Variants in PITPNC1 observed in about 807,000 individuals in gnomAD.
The protein encoded by PITPNC1 is phosphatidylinositol transfer protein cytoplasmic 1.
A neutral mutation model predicts 44.7 loss-of-function variants in PITPNC1; 18 were observed. That is an observed-to-expected ratio of 0.40 (90% confidence interval 0.28 to 0.60). The LOEUF (loss-of-function observed/expected upper bound fraction) is 0.60, where lower values mean the gene tolerates loss of function less well. PITPNC1 is among the 20% of genes least tolerant of loss of function. PITPNC1 has a pLI of 0.39. For synonymous variants in PITPNC1, 141 were observed against 149.6 expected (o/e 0.94, Z 0.42); for missense variants, 290 against 418.4 (o/e 0.69, Z 2.68).
At chr17:67,532,465 T>C (rs542385391) in intron 1 of PITPNC1, among the ~76,000 whole-genome samples, 1 of 152,258 alleles carries the variant, frequency 6.6e-6, no homozygotes, top group South Asian at 2.1e-4. Context: ...CAAGCAGGAC[T>C]TTAGCTCCAT....
At chr17:67,484,027 T>C (rs1257260600) in intron 1 of PITPNC1, among the ~76,000 whole-genome samples, 1 of 151,566 alleles carries the variant, frequency 6.6e-6, no homozygotes, top group Non-Finnish European at 1.5e-5. Flanking sequence ...CAAGCGATTC[T>C]CCTGCCTCAG....
At chr17:67,387,210 C>A (rs2038067896) in intron 1 of PITPNC1, among the ~76,000 whole-genome samples, 7 of 152,210 alleles carry the variant, frequency 4.6e-5, no homozygotes. Context: ...TGGCCTGCAA[C>A]TGACCAACCT....
chr17:67,490,178 G>A (rs189464361), intron 1 of PITPNC1, among the ~76,000 whole-genome samples: 1 of 147,150 alleles, frequency 6.8e-6, no homozygotes, highest in East Asian at 2.0e-4. Flanking sequence ...TAACGAGGAT[G>A]CATTATGTAA....
At chr17:67,493,193 G>A (rs1163047062) in intron 1 of PITPNC1, among the ~76,000 whole-genome samples, 1 of 152,292 alleles carries the variant, frequency 6.6e-6, no homozygotes, top group East Asian at 1.9e-4. Context: ...AATGTTGAAC[G>A]CAGGGTTTTC....
Position 67,393,472 on chromosome 17 carries a change from A to G in PITPNC1, c.48+15270A>G, listed in dbSNP as rs545154823. 5.3e-5 allele frequency among the ~76,000 whole-genome samples: 8 copies of G among 152,228 alleles called. No individual in the cohort carries two copies. In the East Asian group the frequency reaches 1.2e-3, roughly 22 times the overall value. ...TTCATCGTTTCTTGAAATAAACCCAATAAACTTTAATGGAAGCTCATAAGA... is the reference window on the plus strand; with the variant it reads ...TTCATCGTTTCTTGAAATAAACCCAGTAAACTTTAATGGAAGCTCATAAGA... On this transcript the variant is annotated intron_variant, in intron 1 of 8. Transcript: ENST00000581322.
At chr17:67,663,606 CA>C (rs1271621798) in intron 6 of PITPNC1, among the ~76,000 whole-genome samples, 1 of 151,978 alleles carries the variant, frequency 6.6e-6, no homozygotes, top group Non-Finnish European at 1.5e-5. Flanking sequence ...GAAGCAGTAG[CA>C]GCAGAGGTGC....
At chr17:67,491,865 A>G (rs1055197363) in intron 1 of PITPNC1, among the ~76,000 whole-genome samples, 34 of 152,104 alleles carry the variant, frequency 2.2e-4, no homozygotes, top group African/African-American at 8.2e-4. Context: ...AAAAACCCCA[A>G]AAGTGTAAGT....
intron 5 of PITPNC1, among the ~76,000 whole-genome samples, chr17:67,584,267 C>G (rs1336726428): frequency 6.6e-6 from 1 of 152,156 alleles, no homozygotes; most frequent in Non-Finnish European, 1.5e-5. Flanking sequence ...CATATGTGTT[C>G]TCATTAGCCA....
At chr17:67,393,899 G>A (rs2038174751) in intron 1 of PITPNC1, among the ~76,000 whole-genome samples, 1 of 152,140 alleles carries the variant, frequency 6.6e-6, no homozygotes, top group Non-Finnish European at 1.5e-5. Flanking sequence ...ACTTAAGTCA[G>A]TGTAATGGCG....
chr17:67,386,287 G>A (rs981071080), intron 1 of PITPNC1, among the ~76,000 whole-genome samples: 15 of 152,188 alleles, frequency 9.9e-5, no homozygotes, highest in Non-Finnish European at 1.9e-4. Flanking sequence ...CGCCTCCCAG[G>A]TTTCAAGGGG....
chr17:67,378,270 G>C, intron 1 of PITPNC1, 68 bp downstream of exon 1: 1 of 1,075,406 alleles, frequency 9.3e-7, no homozygotes, highest in Non-Finnish European at 1.3e-6. Context: ...CCTCCTGGCC[G>C]GCGAGCCCCG....
At chr17:67,568,139 A>G (rs1461400210) in intron 4 of PITPNC1, among the ~76,000 whole-genome samples, 1 of 152,372 alleles carries the variant, frequency 6.6e-6, no homozygotes, top group South Asian at 2.1e-4. Flanking sequence ...CAGATGTAGT[A>G]TGTCCGTACA....
At chr17:67,623,109 C>CAAAAAA (rs1198070826) in intron 5 of PITPNC1, among the ~76,000 whole-genome samples, 3 of 85,290 alleles carry the variant, frequency 3.5e-5, no homozygotes, top group Admixed American at 1.5e-4. Context: ...TCCCAAAAGC[C>CAAAAAA]AAAAAAAAAA....
At chr17:67,605,535 AT>A (rs2041597472) in intron 5 of PITPNC1, among the ~76,000 whole-genome samples, 1 of 152,128 alleles carries the variant, frequency 6.6e-6, no homozygotes, top group South Asian at 2.1e-4. Context: ...CTTAATGAAG[AT>A]TTTAGCTGGG....
At chr17:67,405,765 T>C (rs1053285048) in intron 1 of PITPNC1, among the ~76,000 whole-genome samples, 2 of 151,804 alleles carry the variant, frequency 1.3e-5, no homozygotes, top group African/African-American at 4.8e-5. Context: ...ACCACCACGC[T>C]CAGCTAATTT....
At chr17:67,492,012 T>A (rs934455) in intron 1 of PITPNC1, among the ~76,000 whole-genome samples, 79,286 of 147,446 alleles carry the variant, frequency 0.54, 21,179 homozygotes, top group East Asian at 0.7. Flanking sequence ...CTTTTTTTTT[T>A]AAAAAAAAAA....
chr17:67,646,285 G>C (rs1220858135), intron 6 of PITPNC1, among the ~76,000 whole-genome samples: 2 of 152,192 alleles, frequency 1.3e-5, no homozygotes, highest in African/African-American at 2.4e-5. Flanking sequence ...AGACCTGACA[G>C]AGCGATTGTC....
chr17:67,380,004 G>T (rs572978380), intron 1 of PITPNC1, among the ~76,000 whole-genome samples: 1 of 151,802 alleles, frequency 6.6e-6, no homozygotes, highest in African/African-American at 2.4e-5. Flanking sequence ...CAGGTATACC[G>T]TGGGGTAATT....
chr17:67,531,259 G>T (rs548196198), intron 1 of PITPNC1, among the ~76,000 whole-genome samples: 17 of 152,162 alleles, frequency 1.1e-4, no homozygotes, highest in Non-Finnish European at 2.2e-4. Flanking sequence ...ACAAAAAAAA[G>T]AGGATTTCAT....
Sources: gnomAD v4.1 joint callset for allele counts (sites outside exome capture counted in the v4.1 genomes callset) on GRCh38, gnomAD v4.1.1 for gene constraint, MANE v1.5 for transcripts, NCBI Gene and HGNC (gene_info 2026-07-23, HGNC 2026-07-21) for gene names.